PTPRD: variants seen among roughly 807,000 people sequenced by gnomAD.
PTPRD encodes receptor-type tyrosine-protein phosphatase delta.
PTPRD carries 34 observed loss-of-function variants against 214.5 expected under a neutral mutation model. The observed-to-expected ratio is 0.16, with a 90% CI of 0.12 to 0.21. The LOEUF (loss-of-function observed/expected upper bound fraction) is 0.21, where lower values mean the gene tolerates loss of function less well. Among genes scored for constraint, PTPRD ranks in the 10% least tolerant of loss-of-function variants. The pLI, the probability that PTPRD is intolerant of heterozygous loss-of-function variation, is 1.00. For synonymous variants in PTPRD, 1,128 were observed against 845.7 expected (o/e 1.33, Z -5.79); for missense variants, 2,545 against 2,398.7 (o/e 1.06, Z -1.27).
chr9:10,320,646 G>A (rs556740021), intron 3 of PTPRD, among the ~76,000 whole-genome samples: 3 of 151,968 alleles, frequency 2.0e-5, no homozygotes, highest in Non-Finnish European at 2.9e-5. Context: ...TTCAACTAAT[G>A]CTATTGTTTT....
intron 3 of PTPRD, among the ~76,000 whole-genome samples, chr9:10,234,904 A>G (rs1362543907): frequency 6.6e-6 from 1 of 151,834 alleles, no homozygotes; most frequent in Non-Finnish European, 1.5e-5. Context: ...CCCTTAATAC[A>G]TGTTTCTAAT....
At chr9:8,435,698 A>AAT (rs144439068) in intron 35 of PTPRD, among the ~76,000 whole-genome samples, 8,699 of 106,818 alleles carry the variant, frequency 0.081, 460 homozygotes, top group East Asian at 0.32. Flanking sequence ...ACAATATCCA[A>AAT]ATACACACAC....
rs1052684890 is a variant in PTPRD, at chr9:9,884,238, T to C, written c.-368+54269A>G. 1.2e-4 allele frequency among the ~76,000 whole-genome samples: 18 copies of C among 152,282 alleles called. No individual in the cohort carries two copies. In the South Asian group the frequency reaches 2.7e-3, roughly 23 times the overall value. On this transcript the variant is annotated intron_variant, in intron 5 of 45. Transcript: ENST00000381196. The stretch of plus-strand genomic sequence containing the variant: ...CACCAACATTTGACATTGTGAAGAA[T>C]GGAATGAGGGATAAGACACAGAGTT...
chr9:9,789,574 G>A (rs1273472486), intron 5 of PTPRD, among the ~76,000 whole-genome samples: 1 of 151,822 alleles, frequency 6.6e-6, no homozygotes, highest in South Asian at 2.1e-4. Context: ...GAGGCGGGCG[G>A]ATCAGGAGAT....
At chr9:9,952,346 G>A (rs1348207211) in intron 4 of PTPRD, among the ~76,000 whole-genome samples, 1 of 152,192 alleles carries the variant, frequency 6.6e-6, no homozygotes, top group Non-Finnish European at 1.5e-5. Context: ...GATGTAAAAT[G>A]TGTAATGCTC....
At chr9:8,524,753 T>A in intron 18 of PTPRD, 172 bp downstream of exon 18, 1 of 751,684 alleles carries the variant, frequency 1.3e-6, no homozygotes, top group East Asian at 2.5e-5. Context: ...TCTTTTGGAG[T>A]TAAACAACAC....
chr9:8,930,623 G>C (rs559538095), intron 11 of PTPRD, among the ~76,000 whole-genome samples: 8 of 152,126 alleles, frequency 5.3e-5, no homozygotes, highest in African/African-American at 1.9e-4. Flanking sequence ...TCCAGCACCT[G>C]TTGTTTCCTG....
At chr9:8,591,458 A>G (rs532766413) in intron 14 of PTPRD, among the ~76,000 whole-genome samples, 2 of 152,282 alleles carry the variant, frequency 1.3e-5, no homozygotes, top group East Asian at 1.9e-4. Flanking sequence ...ACTTCTATAC[A>G]CTGATCCAAG....
At chr9:8,606,926 G>C (rs1441423767) in intron 14 of PTPRD, among the ~76,000 whole-genome samples, 1 of 152,150 alleles carries the variant, frequency 6.6e-6, no homozygotes, top group Non-Finnish European at 1.5e-5. Flanking sequence ...CAGGACAATA[G>C]TCTTAGGTAA....
chr9:8,694,595 T>G (rs2154384840), intron 12 of PTPRD, among the ~76,000 whole-genome samples: 1 of 152,332 alleles, frequency 6.6e-6, no homozygotes, highest in Non-Finnish European at 1.5e-5. Context: ...TATTCAGGAT[T>G]AAAAACACTT....
intron 10 of PTPRD, among the ~76,000 whole-genome samples, chr9:9,142,367 G>T (rs1303731553): frequency 2.6e-5 from 4 of 152,196 alleles, no homozygotes; most frequent in African/African-American, 9.6e-5. Flanking sequence ...TGAGGTTTTA[G>T]AATGAGCTTG....
At chr9:9,957,210 A>G (rs2093996713) in intron 4 of PTPRD, among the ~76,000 whole-genome samples, 1 of 152,210 alleles carries the variant, frequency 6.6e-6, no homozygotes, top group Non-Finnish European at 1.5e-5. Flanking sequence ...ACTAACATCC[A>G]TGGGAACATT....
At position 9,314,628 on chromosome 9, in the gene PTPRD, T is replaced by C. The variant is rs139232804; in HGVS notation, c.-203+82821A>G. On this transcript the variant is annotated intron_variant, in intron 9 of 45. Transcript: ENST00000381196. ...AGTGCCTAGTATAGTGTTTTGCTTATGGTAGGAAGGTAATAAATGCCTGTT... is the reference window on the plus strand; with the variant it reads ...AGTGCCTAGTATAGTGTTTTGCTTACGGTAGGAAGGTAATAAATGCCTGTT... 4.9e-3 allele frequency among the ~76,000 whole-genome samples: 740 copies of C among 152,160 alleles called. 4 individuals are homozygous for C. Among genetic ancestry groups the C allele is most frequent in the African/African-American group, 0.017 (706 of 41,560 alleles).
intron 11 of PTPRD, among the ~76,000 whole-genome samples, chr9:8,921,532 C>A (rs539474191): frequency 6.6e-6 from 1 of 151,424 alleles, no homozygotes; most frequent in Admixed American, 6.6e-5. Flanking sequence ...CTCACTCTGT[C>A]GCCCAGGCTG....
chr9:10,444,605 T>C (rs1305772390), intron 2 of PTPRD, among the ~76,000 whole-genome samples: 3 of 151,762 alleles, frequency 2.0e-5, no homozygotes, highest in African/African-American at 4.8e-5. Context: ...ATGACAATTA[T>C]ATGAAATATA....
intron 9 of PTPRD, among the ~76,000 whole-genome samples, chr9:9,322,907 T>C (rs546862623): frequency 6.6e-6 from 1 of 152,210 alleles, no homozygotes; most frequent in African/African-American, 2.4e-5. Flanking sequence ...ACAGTATTTC[T>C]GTATGCACAT....
At chr9:9,829,267 T>C (rs557639887) in intron 5 of PTPRD, among the ~76,000 whole-genome samples, 25 of 151,950 alleles carry the variant, frequency 1.6e-4, no homozygotes, top group African/African-American at 6.0e-4. Context: ...TTCTGAATGT[T>C]TACAGATAAT....
At chr9:9,972,141 G>A (rs1035363890) in intron 4 of PTPRD, among the ~76,000 whole-genome samples, 1 of 152,078 alleles carries the variant, frequency 6.6e-6, no homozygotes, top group Admixed American at 6.5e-5. Context: ...GAAATTGACA[G>A]TCAGAAACAT....
intron 9 of PTPRD, among the ~76,000 whole-genome samples, chr9:9,376,130 G>C (rs2060731172): frequency 6.6e-6 from 1 of 152,152 alleles, no homozygotes; most frequent in Non-Finnish European, 1.5e-5. Flanking sequence ...TTTTGATTAT[G>C]TTACGTATTT....
Sources: gnomAD v4.1 joint callset for allele counts (sites outside exome capture counted in the v4.1 genomes callset) on GRCh38, gnomAD v4.1.1 for gene constraint, MANE v1.5 for transcripts, NCBI Gene and HGNC (gene_info 2026-07-23, HGNC 2026-07-21) for gene names.